The following FUT4 variants were observed in gnomAD, a reference collection of about 807,000 sequenced individuals.
FUT4 encodes the protein alpha-(1,3)-fucosyltransferase 4.
FUT4 carries 1 observed loss-of-function variant against 3.8 expected under a neutral mutation model. That is an observed-to-expected ratio of 0.26 (90% CI 0.09 to 1.25). FUT4 has a LOEUF of 1.25. Among genes scored for constraint, FUT4 ranks in the 50% most tolerant of loss-of-function variants. The pLI is 0.47. For missense variants in FUT4, 880 were observed against 768.2 expected (o/e 1.15, Z -1.72); for synonymous variants, 417 against 355.3 (o/e 1.17, Z -1.95).
rs1947831287 is a variant in FUT4 at position 94,544,354 on chromosome 11, C to T, written c.221C>T (p.Pro74Leu). 1.3e-6 allele frequency: 2 copies of T among 1,548,494 alleles called. No individual in the cohort carries two copies. Among genetic ancestry groups the T allele is most frequent in the African/African-American group, 1.4e-5 (1 of 70,950 alleles). Residue 74 changes from proline (P) to leucine (L), a missense_variant, in exon 1 of 1, where the codon CCG (proline) becomes CTG (leucine). Physicochemically the swap from Pro to Leu is moderately conservative, Grantham distance 98 (BLOSUM62 -3). This residue lies in a region of FUT4 where 447 missense variants were observed against 339.5 expected (regional missense o/e 1.32). Coordinates refer to ENST00000358752, the MANE Select transcript of FUT4 (RefSeq NM_002033.4). ...ARHLGGAGQG[P>L]RPLHSGTAPF... ...CACTTGGGAGGAGCAGGGCAGGGCC[C>T]GCGGCCTTTGCATTCTGGGACCGCC...
Position 94,545,875 on chromosome 11 carries a change from A to G in FUT4, c.*149A>G. On this transcript the variant is annotated 3_prime_UTR_variant, in exon 1 of 1. Transcript: ENST00000358752. ...TGGGAAAAAAACGATTTACCAATTA[A>G]TATTACTCAGCACAGAGATGGGGGC... The G allele has an allele frequency of 5.0e-6, 5 of 998,844 alleles. No individual in the cohort carries two copies. The highest frequency in any genetic ancestry group is 7.8e-6 in the Non-Finnish European group (5 of 643,550). 61.9% of individuals were successfully genotyped at this position (998,844 alleles called of 1,614,324 possible). A position where few individuals can be genotyped will look rare whatever the true frequency, so the allele number is the denominator to read the frequency against.
At position 94,547,956 on chromosome 11, in the gene FUT4, G is replaced by C. The variant is rs1947882765; in HGVS notation, c.*2230G>C. The stretch of plus-strand genomic sequence containing the variant: ...TGATGATTTTATATCTTCCTTCTTT[G>C]CTTGCAGTGATTTCAGGATGTCCTC... On this transcript the variant is annotated 3_prime_UTR_variant, in exon 1 of 1. Transcript: ENST00000358752. 1 of 166,848 alleles carries C rather than the reference G, an allele frequency of 6.0e-6. No homozygotes were observed. Among genetic ancestry groups the C allele is most frequent in the African/African-American group, 2.4e-5 (1 of 41,388 alleles). 10.3% of individuals were successfully genotyped at this position (166,848 alleles called of 1,614,324 possible). A position where few individuals can be genotyped will look rare whatever the true frequency, so the allele number is the denominator to read the frequency against.
In FUT4 at chr11:94,548,332, T is replaced by G. The variant is rs1450598103; in HGVS notation, c.*2606T>G. The G allele has an allele frequency of 6.5e-6, 1 of 152,926 alleles. No homozygotes were observed. Among genetic ancestry groups the G allele is most frequent in the East Asian group, 1.9e-4 (1 of 5,178 alleles). The allele number at this position is 152,926 out of a possible 1,614,324, so 9.5% of individuals were successfully genotyped here. ...ATCTTGGCTCACTGCAACCTCCGCC[T>G]CCCAGGTTCAAGCGATTCTCCTGCC... On this transcript the variant is annotated 3_prime_UTR_variant, in exon 1 of 1. Transcript: ENST00000358752.
chr11:94,546,306 G>A lies in FUT4; in HGVS notation c.*580G>A, dbSNP rs1435914746. 8.7e-6 allele frequency: 2 copies of A among 229,256 alleles called. No homozygotes were observed. Among genetic ancestry groups the A allele is most frequent in the Non-Finnish European group, 1.9e-5 (2 of 104,918 alleles). The allele number at this position is 229,256 out of a possible 1,614,324, so 14.2% of individuals were successfully genotyped here. ...GAGGGGCCGCTGACTTCTTTCACAA[G>A]TACTATCTGTTCCCCTGTCCTGTGA... On this transcript the variant is annotated 3_prime_UTR_variant, in exon 1 of 1. Transcript: ENST00000358752.
At position 94,544,132 on chromosome 11, in the gene FUT4, G is replaced by T; in HGVS notation, c.-2G>T. On this transcript the variant is annotated 5_prime_UTR_variant, in exon 1 of 1. Coordinates refer to ENST00000358752, the MANE Select transcript of FUT4 (RefSeq NM_002033.4). ...CAGTTGAGAGAGAATCAAGAGTAGCGGATGAGGCGCTTGTGGGGCGCGGCC... is the reference window on the plus strand; with the variant it reads ...CAGTTGAGAGAGAATCAAGAGTAGCTGATGAGGCGCTTGTGGGGCGCGGCC... 2.2e-6 allele frequency: 3 copies of T among 1,386,084 alleles called. No homozygotes were observed. The highest frequency in any genetic ancestry group is 1.9e-6 in the Non-Finnish European group (2 of 1,071,654). 85.9% of individuals were successfully genotyped at this position (1,386,084 alleles called of 1,614,324 possible).
Position 94,545,882 on chromosome 11 carries a change from T to C in FUT4, c.*156T>C. ...AAAACGATTTACCAATTAATATTAC[T>C]CAGCACAGAGATGGGGGCCCGGTTT... On this transcript the variant is annotated 3_prime_UTR_variant, in exon 1 of 1. Coordinates refer to ENST00000358752, the MANE Select transcript of FUT4 (RefSeq NM_002033.4). The C allele has an allele frequency of 2.1e-6, 2 of 960,880 alleles. No homozygotes were observed. Among genetic ancestry groups the C allele is most frequent in the South Asian group, 1.4e-5 (1 of 71,586 alleles). 59.5% of individuals were successfully genotyped at this position (960,880 alleles called of 1,614,324 possible).
At position 94,544,784 on chromosome 11, in the gene FUT4, C is replaced by T. The variant is rs1565258834; in HGVS notation, c.651C>T (p.Ile217=). 1 of 1,589,394 alleles carries T rather than the reference C, an allele frequency of 6.3e-7. No homozygotes were observed. Among genetic ancestry groups the T allele is most frequent in the Non-Finnish European group, 8.5e-7 (1 of 1,175,262 alleles). Residue 217 remains isoleucine, a synonymous_variant, in exon 1 of 1, where the codon ATC becomes ATT. Coordinates refer to ENST00000358752, the MANE Select transcript of FUT4 (RefSeq NM_002033.4). ...PPPDCRLRFN[I]SGCRLLTDRA... is the part of the protein sequence containing the mutation. The stretch of plus-strand genomic sequence containing the variant: ...CTGACTGCCGGCTGCGCTTCAACAT[C>T]AGCGGCTGCCGCCTGCTCACCGACC...
Position 94,545,894 on chromosome 11 carries a change from TGGG to T in FUT4, c.*171_*173del, listed in dbSNP as rs1270131805. 2.3e-6 allele frequency: 2 copies of T among 875,038 alleles called. No homozygotes were observed. Among genetic ancestry groups the T allele is most frequent in the Non-Finnish European group, 3.8e-6 (2 of 530,832 alleles). The allele number at this position is 875,038 out of a possible 1,614,324, so 54.2% of individuals were successfully genotyped here. The stretch of plus-strand genomic sequence containing the variant: ...CAATTAATATTACTCAGCACAGAGA[TGGG>T]GGCCCGGTTTCCATATTTTTTGCAC... On this transcript the variant is annotated 3_prime_UTR_variant, in exon 1 of 1. Coordinates refer to ENST00000358752, the MANE Select transcript of FUT4 (RefSeq NM_002033.4).
In FUT4 at chr11:94,546,180, C is replaced by T. The variant is rs187124435; in HGVS notation, c.*454C>T. ...GCAAATTTGTGGTTGTAGAAGGAGC[C>T]TTGTTGGTGGAGAGTGGAAGGACTG... On this transcript the variant is annotated 3_prime_UTR_variant, in exon 1 of 1. Coordinates refer to ENST00000358752, the MANE Select transcript of FUT4 (RefSeq NM_002033.4). 6.7e-5 allele frequency: 23 copies of T among 342,354 alleles called. No individual in the cohort carries two copies. The highest frequency in any genetic ancestry group is 4.9e-4 in the African/African-American group (23 of 46,500). The allele number at this position is 342,354 out of a possible 1,614,324, so 21.2% of individuals were successfully genotyped here.
chr11:94,545,119 C>T lies in FUT4; in HGVS notation c.986C>T (p.Pro329Leu), dbSNP rs144400399. Residue 329 changes from proline to leucine, a missense_variant, in exon 1 of 1, where the codon CCT (proline) becomes CTT (leucine). By Grantham distance (98) the Pro-to-Leu change is moderately conservative (BLOSUM62 -3). Around this residue, in one of 3 missense-constraint regions of FUT4, gnomAD observed 424 missense variants for 400.4 expected, o/e 1.06. Coordinates refer to ENST00000358752, the MANE Select transcript of FUT4 (RefSeq NM_002033.4). ...CGGGCGGACTCGGACGTCTTTGTGC[C>T]TTATGGCTACCTCTACCCCAGAAGC... The part of the protein sequence containing the change: ...SYRADSDVFV[P>L]YGYLYPRSHP... 2.0e-5 allele frequency: 32 copies of T among 1,612,634 alleles called. No homozygotes were observed. The highest frequency in any genetic ancestry group is 2.5e-5 in the Non-Finnish European group (30 of 1,179,862).
At position 94,544,036 on chromosome 11, in the gene FUT4, C is replaced by G; in HGVS notation, c.-98C>G. 1 of 1,330,004 alleles carries G rather than the reference C, an allele frequency of 7.5e-7. No homozygotes were observed. Among genetic ancestry groups the G allele is most frequent in the Non-Finnish European group, 9.6e-7 (1 of 1,036,978 alleles). The allele number at this position is 1,330,004 out of a possible 1,614,324, so 82.4% of individuals were successfully genotyped here. ...CCCAGGGATGAACCGGGCCTTCCCT[C>G]TGGAAGGCGAGGGTTCGGGCCACAG... On this transcript the variant is annotated 5_prime_UTR_variant, in exon 1 of 1. Coordinates refer to ENST00000358752, the MANE Select transcript of FUT4 (RefSeq NM_002033.4).
At position 94,547,232 on chromosome 11, in the gene FUT4, T is replaced by C. The variant is rs905122274; in HGVS notation, c.*1506T>C. On this transcript the variant is annotated 3_prime_UTR_variant, in exon 1 of 1. Coordinates refer to ENST00000358752, the MANE Select transcript of FUT4 (RefSeq NM_002033.4). ...CAATCTATCACTTCCAAAAAGTAAA[T>C]GGTGACTGATAAAACAATTGGCAGA... 1.2e-5 allele frequency: 2 copies of C among 166,958 alleles called. No individual in the cohort carries two copies. The highest frequency in any genetic ancestry group is 2.9e-5 in the Non-Finnish European group (2 of 68,110). The allele number at this position is 166,958 out of a possible 1,614,324, so 10.3% of individuals were successfully genotyped here. A position where few individuals can be genotyped will look rare whatever the true frequency, so the allele number is the denominator to read the frequency against.
rs1332237795 is a variant in FUT4 at position 94,546,869 on chromosome 11, CAGTTTTT to C, written c.*1148_*1154del. 2 of 167,054 alleles carry C rather than the reference CAGTTTTT, an allele frequency of 1.2e-5. No individual in the cohort carries two copies. Among genetic ancestry groups the C allele is most frequent in the Non-Finnish European group, 2.9e-5 (2 of 68,108 alleles). The allele number at this position is 167,054 out of a possible 1,614,324, so 10.3% of individuals were successfully genotyped here. A position where few individuals can be genotyped will look rare whatever the true frequency, so the allele number is the denominator to read the frequency against. On this transcript the variant is annotated 3_prime_UTR_variant, in exon 1 of 1. Transcript: ENST00000358752. ...GTTGGCAGTTTTTGTTTATCTCTGA[CAGTTTTT>C]AGTTAAATGTTTAGATCCTCAGAAC...
Position 94,544,226 on chromosome 11 carries a change from G to T in FUT4, c.93G>T (p.Trp31Cys). 1 of 1,463,876 alleles carries T rather than the reference G, an allele frequency of 6.8e-7. No homozygotes were observed. The highest frequency in any genetic ancestry group is 2.8e-5 in the East Asian group (1 of 35,826). 90.7% of individuals were successfully genotyped at this position (1,463,876 alleles called of 1,614,324 possible). Residue 31 changes from tryptophan (W) to cysteine (C), a missense_variant, in exon 1 of 1, where the codon TGG (tryptophan) becomes TGT (cysteine). By Grantham distance (215) the Trp-to-Cys change is radical. Transcript: ENST00000358752. Reference protein sequence around the residue: ...AEAPQEAPGAWSGRLGPGRSG... With the variant: ...AEAPQEAPGACSGRLGPGRSG... ...CGCCGCAGGAGGCTCCCGGGGCCTG[G>T]TCGGGCCGGCTGGGCCCCGGGCGCA...
Position 94,545,464 on chromosome 11 carries a change from G to A in FUT4, c.1331G>A (p.Arg444His), listed in dbSNP as rs770746563. ...GTGCCGGTGGTGCTGGGCCCAGACC[G>A]TGCCAACTACGAGCGCTTTGTGCCC... Reference protein sequence around the residue: ...GAVPVVLGPDRANYERFVPRG... With the variant: ...GAVPVVLGPDHANYERFVPRG... The change falls in exon 1 of 1, where the codon CGT becomes CAT. Residue 444 changes from arginine to histidine, a missense_variant. Arg to His is a conservative substitution (Grantham distance 29). Transcript: ENST00000358752. 34 of 1,613,210 alleles carry A rather than the reference G, an allele frequency of 2.1e-5. No individual in the cohort carries two copies. The Admixed American group carries it at 5.7e-4, about 27-fold the overall frequency.
chr11:94,545,078 C>T lies in FUT4; in HGVS notation c.945C>T (p.Asn315=). Residue 315 remains asparagine (N), a synonymous_variant, in exon 1 of 1, where the codon AAC becomes AAT. Transcript: ENST00000358752. ...GLRSLASNLF[N]WTLSYRADSD... The stretch of plus-strand genomic sequence containing the variant: ...GAAGCCTGGCAAGTAACCTCTTCAA[C>T]TGGACGCTCTCCTACCGGGCGGACT... The T allele has an allele frequency of 1.9e-6, 3 of 1,612,684 alleles. No individual in the cohort carries two copies. Among genetic ancestry groups the T allele is most frequent in the Non-Finnish European group, 2.5e-6 (3 of 1,179,780 alleles).
Position 94,544,919 on chromosome 11 carries a change from G to T in FUT4, c.786G>T (p.Glu262Asp). ...PWGIQAHTAE[E>D]VDLRVLDYEE... is the part of the protein sequence containing the mutation. ...GCATCCAGGCGCACACTGCCGAGGAGGTGGATCTGCGCGTGTTGGACTACG... is the reference window on the plus strand; with the variant it reads ...GCATCCAGGCGCACACTGCCGAGGATGTGGATCTGCGCGTGTTGGACTACG... Residue 262 changes from glutamate to aspartate, a missense_variant, in exon 1 of 1, where the codon GAG becomes GAT. Physicochemically the swap from Glu to Asp is conservative, Grantham distance 45. Coordinates refer to ENST00000358752, the MANE Select transcript of FUT4 (RefSeq NM_002033.4). The T allele has an allele frequency of 1.9e-6, 3 of 1,608,512 alleles. No homozygotes were observed. The highest frequency in any genetic ancestry group is 2.5e-6 in the Non-Finnish European group (3 of 1,178,380).
In FUT4 at chr11:94,546,386, T is replaced by C. The variant is rs957279899; in HGVS notation, c.*660T>C. On this transcript the variant is annotated 3_prime_UTR_variant, in exon 1 of 1. Transcript: ENST00000358752. ...AGGAAACTTAAGATGAATACATGCGTGTACCTCACTTTACATAAGAAATGT... is the reference window on the plus strand; with the variant it reads ...AGGAAACTTAAGATGAATACATGCGCGTACCTCACTTTACATAAGAAATGT... 1 of 177,480 alleles carries C rather than the reference T, an allele frequency of 5.6e-6. No individual in the cohort carries two copies. The highest frequency in any genetic ancestry group is 2.4e-5 in the African/African-American group (1 of 41,550). The allele number at this position is 177,480 out of a possible 1,614,324, so 11.0% of individuals were successfully genotyped here.
At position 94,544,299 on chromosome 11, in the gene FUT4, C is replaced by G. The variant is rs1284088737; in HGVS notation, c.166C>G (p.His56Asp). The change falls in exon 1 of 1, where the codon CAC (histidine) becomes GAC (aspartate). Residue 56 changes from histidine to aspartate, a missense_variant. Transcript: ENST00000358752. ...GCCCGGTTGGGCGTCCTGGCCAGCT[C>G]ACCTTGCCCTGGCGGCTCGCCCCGC... ...AVPGWASWPAHLALAARPARH... is the reference protein window; with the variant it reads ...AVPGWASWPADLALAARPARH... The G allele has an allele frequency of 6.4e-7, 1 of 1,563,286 alleles. No individual in the cohort carries two copies. The highest frequency in any genetic ancestry group is 2.6e-5 in the East Asian group (1 of 39,174).
Sources: allele counts gnomAD v4.1 joint callset, GRCh38; gene constraint gnomAD v4.1.1; regional missense constraint gnomAD v4.1.1; transcripts MANE v1.5; gene names NCBI Gene and HGNC (gene_info 2026-07-23, HGNC 2026-07-21).